The following RASGRP3 variants were observed in gnomAD, a reference collection of about 807,000 sequenced individuals.
RASGRP3 encodes ras guanyl-releasing protein 3.
RASGRP3 carries 54 observed loss-of-function variants against 82.7 expected under a neutral mutation model. That is an observed-to-expected ratio of 0.65 (90% CI 0.52 to 0.82). RASGRP3 has a LOEUF of 0.82. RASGRP3 is among the 40% of genes least tolerant of loss of function. The probability of loss-of-function intolerance (pLI) is 0.00; values close to 1 mark genes in which losing one functional copy is unlikely to be tolerated. For missense variants in RASGRP3, 861 were observed against 828.9 expected (o/e 1.04, Z -0.48); for synonymous variants, 309 against 300.5 (o/e 1.03, Z -0.29).
At chr2:33,500,814 A>G (rs920645323) in intron 1 of RASGRP3, among the ~76,000 whole-genome samples, 1 of 152,242 alleles carries the variant, frequency 6.6e-6, no homozygotes, top group African/African-American at 2.4e-5. Context: ...CGCACCTGTA[A>G]TCCCAGCTAC....
intron 2 of RASGRP3, among the ~76,000 whole-genome samples, chr2:33,449,655 A>T (rs1665682490): frequency 6.6e-6 from 1 of 152,018 alleles, no homozygotes; most frequent in African/African-American, 2.4e-5. Context: ...ACTCCTAGGG[A>T]GGCTGAGGCA....
chr2:33,470,509 A>T (rs1362506012), intron 2 of RASGRP3, among the ~76,000 whole-genome samples: 1 of 151,664 alleles, frequency 6.6e-6, no homozygotes, highest in Non-Finnish European at 1.5e-5. Flanking sequence ...CCTCCCGAGT[A>T]GCTGGGACTA....
intron 4 of RASGRP3, among the ~76,000 whole-genome samples, chr2:33,517,643 A>G (rs984921546): frequency 2.0e-5 from 3 of 152,168 alleles, no homozygotes; most frequent in Non-Finnish European, 4.4e-5. Context: ...AGTGAGCAAG[A>G]TCCTAGCTCC....
intron 4 of RASGRP3, among the ~76,000 whole-genome samples, chr2:33,518,880 G>GTCA (rs34929947): frequency 0.52 from 78,833 of 151,682 alleles, 22,063 homozygotes; most frequent in Middle Eastern, 0.67. Flanking sequence ...CATGGAGCTG[G>GTCA]TCATCTCCTA....
chr2:33,558,463 A>G, intron 16 of RASGRP3, 127 bp downstream of exon 16: 1 of 1,395,152 alleles, frequency 7.2e-7, no homozygotes, highest in Non-Finnish European at 9.7e-7. Context: ...CTTTAGGGTG[A>G]GCAGCAGTAG....
At chr2:33,489,904 G>A (rs1236560483) in intron 1 of RASGRP3, among the ~76,000 whole-genome samples, 1 of 152,178 alleles carries the variant, frequency 6.6e-6, no homozygotes, top group Non-Finnish European at 1.5e-5. Context: ...TTGATCCTGG[G>A]ACTTGGGAAG....
chr2:33,557,478 G>C (rs1049831599), intron 15 of RASGRP3, among the ~76,000 whole-genome samples: 12 of 152,290 alleles, frequency 7.9e-5, no homozygotes, highest in African/African-American at 2.9e-4. Context: ...GGGAGGCTGA[G>C]GTGGGTGGAT....
At chr2:33,561,080 T>G (rs972569880) in intron 17 of RASGRP3, among the ~76,000 whole-genome samples, 2 of 151,960 alleles carry the variant, frequency 1.3e-5, no homozygotes, top group Non-Finnish European at 2.9e-5. Context: ...TTTTTTTTTT[T>G]CTTTGAGACG....
intron 14 of RASGRP3, among the ~76,000 whole-genome samples, chr2:33,552,798 C>T (rs920271259): frequency 1.1e-4 from 16 of 152,136 alleles, no homozygotes; most frequent in African/African-American, 3.9e-4. Context: ...GTGACTTCCC[C>T]CAAGGTCACA....
At chr2:33,489,908 T>A (rs947347215) in intron 1 of RASGRP3, among the ~76,000 whole-genome samples, 1 of 152,220 alleles carries the variant, frequency 6.6e-6, no homozygotes, top group Non-Finnish European at 1.5e-5. Flanking sequence ...TCCTGGGACT[T>A]GGGAAGTTCA....
exon 2 of RASGRP3, chr2:33,447,943 A>T (rs1184713194): frequency 6.6e-6 from 1 of 152,228 alleles, no homozygotes; most frequent in African/African-American, 2.4e-5. Context: ...CAAGATTCTC[A>T]GTGAGTATTC....
At chr2:33,526,297 A>G (rs545242549) in intron 9 of RASGRP3, among the ~76,000 whole-genome samples, 1 of 152,348 alleles carries the variant, frequency 6.6e-6, no homozygotes, top group South Asian at 2.1e-4. Flanking sequence ...TGGAGAGAGC[A>G]GACTAATCAA....
chr2:33,492,192 T>TA (rs1307186335), intron 1 of RASGRP3, among the ~76,000 whole-genome samples: 1 of 152,174 alleles, frequency 6.6e-6, no homozygotes, highest in Admixed American at 6.5e-5. Flanking sequence ...TTTAAGGTAA[T>TA]AAAAAATGAC....
intron 2 of RASGRP3, among the ~76,000 whole-genome samples, chr2:33,459,999 T>G (rs995772859): frequency 6.6e-6 from 1 of 152,192 alleles, no homozygotes; most frequent in Non-Finnish European, 1.5e-5. Flanking sequence ...TGTTTGTCAA[T>G]TGTAAATGAA....
At chr2:33,494,300 A>C (rs956763972) in intron 1 of RASGRP3, among the ~76,000 whole-genome samples, 1 of 152,224 alleles carries the variant, frequency 6.6e-6, no homozygotes, top group East Asian at 1.9e-4. Flanking sequence ...TGATGAAACC[A>C]GGTGCTTAGA....
intron 10 of RASGRP3, among the ~76,000 whole-genome samples, chr2:33,529,444 G>A (rs1381289099): frequency 4.8e-5 from 6 of 123,992 alleles, no homozygotes; most frequent in African/African-American, 1.2e-4. Flanking sequence ...GCAGCGAGCC[G>A]AGATGGTGCC....
At chr2:33,494,483 C>T (rs550142964) in intron 1 of RASGRP3, among the ~76,000 whole-genome samples, 2 of 152,266 alleles carry the variant, frequency 1.3e-5, no homozygotes, top group East Asian at 3.9e-4. Flanking sequence ...GAAATTATCC[C>T]AAAGGGTCTA....
intron 2 of RASGRP3, among the ~76,000 whole-genome samples, chr2:33,469,468 T>C (rs540555717): frequency 2.0e-5 from 3 of 151,944 alleles, no homozygotes; most frequent in Non-Finnish European, 4.4e-5. Flanking sequence ...TGTGATTTTT[T>C]TTTTTTTTTT....
chr2:33,438,004 G>A (rs1185306317), intron 1 of RASGRP3, among the ~76,000 whole-genome samples: 2 of 152,122 alleles, frequency 1.3e-5, no homozygotes, highest in African/African-American at 2.4e-5. Context: ...TAATTGCCAC[G>A]CCACATGGCT....
Sources: gnomAD v4.1 joint callset for allele counts (sites outside exome capture counted in the v4.1 genomes callset) on GRCh38, gnomAD v4.1.1 for gene constraint, MANE v1.5 for transcripts, NCBI Gene and HGNC (gene_info 2026-07-23, HGNC 2026-07-21) for gene names.